The following MSI2 variants were observed in gnomAD, a reference collection of about 807,000 sequenced individuals.
MSI2 encodes the protein RNA-binding protein Musashi homolog 2.
MSI2 carries 17 observed loss-of-function variants against 45.6 expected under a neutral mutation model. The ratio of observed to expected loss-of-function variants is 0.37; its 90% CI spans 0.26 to 0.56. The LOEUF (loss-of-function observed/expected upper bound fraction) is 0.56, where lower values mean the gene tolerates loss of function less well. Ranked by LOEUF, MSI2 falls within the 20% of genes least tolerant of loss-of-function variation. MSI2 has a pLI of 0.77. For missense variants in MSI2, 293 were observed against 444.2 expected, an observed-to-expected ratio of 0.66 and a Z score of 3.06; for synonymous variants, 156 against 158.2, an observed-to-expected ratio of 0.99 and a Z score of 0.11.
In MSI2 at chr17:57,257,145, G is replaced by T; in HGVS notation, c.103+7G>T. ...AGCTGGCAGACCTCACCAGGTAAGG[G>T]AGGGAGGGGGGGACGCCTGGGTCCC... is the stretch of plus-strand genomic sequence containing the variant. On this transcript the variant is annotated splice_region_variant and intron_variant, in intron 2 of 13. Coordinates refer to ENST00000284073, the MANE Select transcript of MSI2 (RefSeq NM_138962.4). 6.8e-7 allele frequency: 1 copy of T among 1,461,930 alleles called. No homozygotes were observed. The highest frequency in any genetic ancestry group is 1.2e-5 in the South Asian group (1 of 86,952). 90.6% of individuals were successfully genotyped at this position (1,461,930 alleles called of 1,614,324 possible). A position where few individuals can be genotyped will look rare whatever the true frequency, so the allele number is the denominator to read the frequency against.
intron 11 of MSI2, among the ~76,000 whole-genome samples, chr17:57,671,781 A>G (rs1300128523): frequency 2.0e-5 from 3 of 152,212 alleles, no homozygotes; most frequent in African/African-American, 7.2e-5. Flanking sequence ...AGCTACTGAC[A>G]AGTTTATGTG....
At chr17:57,308,765 G>C (rs1177972503) in intron 5 of MSI2, among the ~76,000 whole-genome samples, 3 of 152,170 alleles carry the variant, frequency 2.0e-5, no homozygotes, top group Non-Finnish European at 4.4e-5. Context: ...TCAGAGACTG[G>C]CTCTTGAGAA....
intron 9 of MSI2, chr17:57,626,531 C>G (rs970441458): frequency 1.3e-5 from 2 of 152,266 alleles, no homozygotes; most frequent in Non-Finnish European, 2.9e-5. Context: ...CCACTCACCC[C>G]CTAGCTTGCC....
In MSI2 at chr17:57,349,863, C is replaced by T. The variant is rs181249139; in HGVS notation, c.313-51516C>T. 2.6e-5 allele frequency among the ~76,000 whole-genome samples: 4 copies of T among 152,306 alleles called. No individual in the cohort carries two copies. The South Asian group carries it at 8.3e-4, about 32-fold the overall frequency. On this transcript the variant is annotated intron_variant, in intron 5 of 13. Coordinates refer to ENST00000284073, the MANE Select transcript of MSI2 (RefSeq NM_138962.4). ...AAAGCCAATTTCAGGAAGATATATA[C>T]TGAAAAACTCAAAGGAGAGGTGACG...
chr17:57,395,639 G>C (rs1183039987), intron 5 of MSI2, among the ~76,000 whole-genome samples: 6 of 152,158 alleles, frequency 3.9e-5, no homozygotes, highest in African/African-American at 1.4e-4. Context: ...ATGGAGTCTT[G>C]GTGTTCGGGA....
chr17:57,498,485 A>G (rs898776608), intron 6 of MSI2, among the ~76,000 whole-genome samples: 1 of 152,248 alleles, frequency 6.6e-6, no homozygotes, highest in East Asian at 1.9e-4. Flanking sequence ...CCCCAGGCAC[A>G]TGCATTTTGT....
intron 5 of MSI2, among the ~76,000 whole-genome samples, chr17:57,303,576 G>C (rs1171043007): frequency 6.6e-6 from 1 of 152,200 alleles, no homozygotes; most frequent in Non-Finnish European, 1.5e-5. Flanking sequence ...GATAGTGGGT[G>C]TTTTAAAAAT....
intron 6 of MSI2, among the ~76,000 whole-genome samples, chr17:57,424,664 C>A (rs973938217): frequency 1.3e-5 from 2 of 152,006 alleles, no homozygotes; most frequent in African/African-American, 2.4e-5. Context: ...TCAGGGGTGG[C>A]TTCCATATTG....
At chr17:57,649,341 C>T (rs991100752) in intron 10 of MSI2, among the ~76,000 whole-genome samples, 13 of 151,768 alleles carry the variant, frequency 8.6e-5, no homozygotes, top group African/African-American at 2.2e-4. Context: ...CATCCACATA[C>T]GCCCAACACA....
chr17:57,419,062 A>G (rs1466514876), intron 6 of MSI2, among the ~76,000 whole-genome samples: 1 of 152,200 alleles, frequency 6.6e-6, no homozygotes, highest in East Asian at 1.9e-4. Context: ...AATTTACACA[A>G]ATTAGTCCAA....
intron 6 of MSI2, among the ~76,000 whole-genome samples, chr17:57,485,820 G>A (rs1191772271): frequency 6.6e-6 from 1 of 152,214 alleles, no homozygotes; most frequent in Non-Finnish European, 1.5e-5. Context: ...GGCTGAGGAT[G>A]AGCCAGTGAC....
At chr17:57,616,676 T>A (rs991415630) in intron 9 of MSI2, 1 of 151,994 alleles carries the variant, frequency 6.6e-6, no homozygotes, top group East Asian at 1.9e-4. Flanking sequence ...TTGTTCTGAC[T>A]AAAAATGATT....
At chr17:57,383,473 A>G (rs909482684) in intron 5 of MSI2, among the ~76,000 whole-genome samples, 84 of 152,332 alleles carry the variant, frequency 5.5e-4, no homozygotes, top group African/African-American at 2.0e-3. Context: ...CCTGGCCAAC[A>G]TGGTGAAACC....
chr17:57,277,779 C>T (rs1048940048), intron 5 of MSI2: 3 of 152,298 alleles, frequency 2.0e-5, no homozygotes, highest in East Asian at 1.9e-4. Flanking sequence ...AGACAGTGTT[C>T]GTAAAGTACA....
At chr17:57,284,514 A>G (rs918061778) in intron 5 of MSI2, among the ~76,000 whole-genome samples, 1 of 152,186 alleles carries the variant, frequency 6.6e-6, no homozygotes, top group African/African-American at 2.4e-5. Context: ...CCCACTTTGA[A>G]ATCTGCAGCA....
At chr17:57,589,690 C>T (rs1249367440) in intron 7 of MSI2, among the ~76,000 whole-genome samples, 1 of 152,246 alleles carries the variant, frequency 6.6e-6, no homozygotes, top group Non-Finnish European at 1.5e-5. Flanking sequence ...AAATCCATCC[C>T]TGAACACTTA....
chr17:57,691,399 A>C, the MSI2 span, among the ~76,000 whole-genome samples: 1 of 152,178 alleles, frequency 6.6e-6, no homozygotes, highest in African/African-American at 2.4e-5. Context: ...GATTTTTACA[A>C]GATAATGTGG....
intron 5 of MSI2, among the ~76,000 whole-genome samples, chr17:57,269,964 C>T (rs1230062830): frequency 1.3e-5 from 2 of 152,146 alleles, no homozygotes; most frequent in Admixed American, 6.5e-5. Context: ...GCAGCAGCCT[C>T]ACTTGGTCGG....
intron 5 of MSI2, among the ~76,000 whole-genome samples, chr17:57,396,696 G>A (rs551817745): frequency 2.0e-4 from 30 of 152,164 alleles, no homozygotes; most frequent in Non-Finnish European, 3.2e-4. Context: ...TATGTGGAGA[G>A]CAGCGGTGTT....
Sources: gnomAD v4.1 joint callset for allele counts (sites outside exome capture counted in the v4.1 genomes callset) on GRCh38, gnomAD v4.1.1 for gene constraint, MANE v1.5 for transcripts, NCBI Gene and HGNC (gene_info 2026-07-23, HGNC 2026-07-21) for gene names.